AAK1: variants seen among roughly 807,000 people sequenced by gnomAD.
The protein encoded by AAK1 is AP2 associated kinase 1.
In AAK1, 37 loss-of-function variants were observed where a neutral mutation model predicts 116.0. The observed-to-expected ratio is 0.32, with a 90% CI of 0.25 to 0.42. AAK1 has a LOEUF of 0.42. AAK1 is among the 10% of genes least tolerant of loss of function. The pLI is 1.00. For synonymous variants in AAK1, 458 were observed against 439.9 expected (o/e 1.04, Z -0.51); for missense variants, 919 against 1,170.6 (o/e 0.79, Z 3.14).
chr2:69,571,912 G>C (rs898996375), intron 2 of AAK1, among the ~76,000 whole-genome samples: 1 of 152,216 alleles, frequency 6.6e-6, no homozygotes. Flanking sequence ...ATGTTGTGAA[G>C]ATGGTTTTCA....
intron 16 of AAK1, among the ~76,000 whole-genome samples, chr2:69,500,696 T>TATATATATATATATATATATAC (rs1553410395): frequency 1.0e-5 from 1 of 99,400 alleles, no homozygotes; most frequent in Non-Finnish European, 1.9e-5. Flanking sequence ...TATATATATA[T>TATATATATATATATATATATAC]ATACACACAC....
intron 2 of AAK1, among the ~76,000 whole-genome samples, chr2:69,631,254 C>G (rs1573026203): frequency 1.3e-5 from 2 of 152,306 alleles, no homozygotes; most frequent in East Asian, 3.9e-4. Flanking sequence ...TTCTCTTACC[C>G]TAAAGGTCCC....
rs1034711973 is a variant in AAK1, at chr2:69,520,790, T to C, written c.1210+44A>G. 21 of 1,510,554 alleles carry C rather than the reference T, an allele frequency of 1.4e-5. No homozygotes were observed. In the Middle Eastern group the frequency reaches 9.0e-4, roughly 65 times the overall value. The allele number at this position is 1,510,554 out of a possible 1,614,324, so 93.6% of individuals were successfully genotyped here. On this transcript the variant is annotated intron_variant, in intron 11 of 21. Transcript: ENST00000409085. Reference sequence around the variant, plus strand: ...TCCAAGACTTCTCTGTTGTCCAGAATAACAAAGAGGTGTATTGAGTTTCAA... The same window carrying C: ...TCCAAGACTTCTCTGTTGTCCAGAACAACAAAGAGGTGTATTGAGTTTCAA...
intron 13 of AAK1, among the ~76,000 whole-genome samples, chr2:69,511,329 G>C (rs2104973769): frequency 6.6e-6 from 1 of 152,304 alleles, no homozygotes. Flanking sequence ...AATTTATTAA[G>C]GTAGACTATG....
At chr2:69,615,248 C>A (rs886380069) in intron 2 of AAK1, among the ~76,000 whole-genome samples, 4 of 152,180 alleles carry the variant, frequency 2.6e-5, no homozygotes, top group African/African-American at 9.7e-5. Context: ...CGGGACTTCG[C>A]AGAGAAGCCC....
chr2:69,534,081 T>C (rs1670364717), intron 5 of AAK1, among the ~76,000 whole-genome samples: 1 of 152,208 alleles, frequency 6.6e-6, no homozygotes, highest in Non-Finnish European at 1.5e-5. Context: ...ACAGCCATCA[T>C]TTTCTGAGCT....
chr2:69,529,041 A>G (rs1670136776), intron 8 of AAK1, among the ~76,000 whole-genome samples: 1 of 152,208 alleles, frequency 6.6e-6, no homozygotes, highest in Non-Finnish European at 1.5e-5. Context: ...AACTGGCACA[A>G]TGGAATGGGC....
Position 69,518,810 on chromosome 2 carries a change from G to A in AAK1, c.1497+144C>T, listed in dbSNP as rs534213691. On this transcript the variant is annotated intron_variant, in intron 12 of 21. Coordinates refer to ENST00000409085, the MANE Select transcript of AAK1 (RefSeq NM_014911.5). ...TGAAAGGGGTGTGAGTGATGGATCCGCTTCTCAATGCTTTAGTATCTACAT... is the reference window on the plus strand; with the variant it reads ...TGAAAGGGGTGTGAGTGATGGATCCACTTCTCAATGCTTTAGTATCTACAT... 7.1e-6 allele frequency: 9 copies of A among 1,261,016 alleles called. No homozygotes were observed. The East Asian group carries it at 7.7e-5, about 11-fold the overall frequency. The allele number at this position is 1,261,016 out of a possible 1,614,324, so 78.1% of individuals were successfully genotyped here. A position where few individuals can be genotyped will look rare whatever the true frequency, so the allele number is the denominator to read the frequency against.
chr2:69,551,108 A>C (rs75256660), intron 3 of AAK1, among the ~76,000 whole-genome samples: 187 of 151,588 alleles, frequency 1.2e-3, no homozygotes, highest in East Asian at 0.011. Context: ...ACACACACAC[A>C]CCCCAACTTT....
At chr2:69,495,459 G>A (rs1675700725) in intron 17 of AAK1, among the ~76,000 whole-genome samples, 1 of 152,152 alleles carries the variant, frequency 6.6e-6, no homozygotes, top group African/African-American at 2.4e-5. Flanking sequence ...AGCCTGGAAG[G>A]GAACCCAGGT....
chr2:69,558,443 C>T (rs1671485543), intron 2 of AAK1, among the ~76,000 whole-genome samples: 1 of 152,166 alleles, frequency 6.6e-6, no homozygotes, highest in Non-Finnish European at 1.5e-5. Context: ...ACCTCATCCT[C>T]ACTCCTAAAG....
chr2:69,569,814 T>C (rs1398723166), intron 2 of AAK1, among the ~76,000 whole-genome samples: 1 of 152,220 alleles, frequency 6.6e-6, no homozygotes, highest in Non-Finnish European at 1.5e-5. Context: ...TAGTAGTTTG[T>C]TAATTTTCAT....
chr2:69,494,530 G>T (rs967019866), intron 17 of AAK1, among the ~76,000 whole-genome samples: 9 of 152,244 alleles, frequency 5.9e-5, no homozygotes, highest in African/African-American at 1.9e-4. Context: ...ACCTGAAGGG[G>T]TGTCAAAAGG....
In AAK1 at chr2:69,467,042, T is replaced by TG. The variant is rs1263554713; in HGVS notation, c.*8826dup. ...TCTCTGAAAAGAAGCAGAATGTGGC[T>TG]GCTTGATAAATGCAAGTTTACTTGA... is the stretch of plus-strand genomic sequence containing the variant. On this transcript the variant is annotated 3_prime_UTR_variant, in exon 22 of 22. Transcript: ENST00000409085. 1 of 985,358 alleles carries TG rather than the reference T, an allele frequency of 1.0e-6. No individual in the cohort carries two copies. The highest frequency in any genetic ancestry group is 1.7e-5 in the African/African-American group (1 of 57,250). The allele number at this position is 985,358 out of a possible 1,614,324, so 61.0% of individuals were successfully genotyped here. A position where few individuals can be genotyped will look rare whatever the true frequency, so the allele number is the denominator to read the frequency against.
chr2:69,482,489 C>T (rs1414169325), intron 18 of AAK1: 14 of 636,026 alleles, frequency 2.2e-5, no homozygotes, highest in African/African-American at 3.7e-5. Flanking sequence ...ATAAGAGATC[C>T]ACTCTAGAAA....
chr2:69,609,232 G>A lies in AAK1; in HGVS notation c.163+33646C>T, dbSNP rs569016621. ...ACAAAAATTAGCCGGGCTTGGTGGC[G>A]GGTGCCTGTAGTCCCAGCTATTCGG... On this transcript the variant is annotated intron_variant, in intron 2 of 21. Transcript: ENST00000409085. Among the ~76,000 whole-genome samples, 34 of 151,992 alleles carry A rather than the reference G, an allele frequency of 2.2e-4. No homozygotes were observed. In the South Asian group the frequency reaches 4.2e-3, roughly 19 times the overall value.
intron 17 of AAK1, among the ~76,000 whole-genome samples, chr2:69,493,982 G>C (rs759117030): frequency 6.6e-6 from 1 of 152,198 alleles, no homozygotes; most frequent in Non-Finnish European, 1.5e-5. Flanking sequence ...CTTGCAGGTC[G>C]CAGTAAGCAG....
At chr2:69,544,947 T>C (rs888629889) in intron 3 of AAK1, among the ~76,000 whole-genome samples, 2 of 152,212 alleles carry the variant, frequency 1.3e-5, no homozygotes, top group African/African-American at 4.8e-5. Context: ...AATTGATGTT[T>C]TTCCTGGTTG....
chr2:69,640,385 T>A (rs987629463), intron 2 of AAK1, among the ~76,000 whole-genome samples: 1 of 152,174 alleles, frequency 6.6e-6, no homozygotes, highest in African/African-American at 2.4e-5. Context: ...TGGTTTGGAA[T>A]GTCTTGCCTA....
Sources: gnomAD v4.1 joint callset for allele counts (sites outside exome capture counted in the v4.1 genomes callset) on GRCh38, gnomAD v4.1.1 for gene constraint, MANE v1.5 for transcripts, NCBI Gene and HGNC (gene_info 2026-07-23, HGNC 2026-07-21) for gene names.